CNBP: variants seen among roughly 807,000 people sequenced by gnomAD.
The protein encoded by CNBP is cellular nucleic acid-binding protein.
Under a neutral mutation model 21.2 loss-of-function variants are expected in CNBP, and 6 were observed. That is an observed-to-expected ratio of 0.28 (90% CI 0.16 to 0.56). CNBP has a LOEUF of 0.56. Ranked by LOEUF, CNBP falls within the 20% of genes least tolerant of loss-of-function variation. The probability of loss-of-function intolerance (pLI) is 0.93; values close to 1 mark genes in which losing one functional copy is unlikely to be tolerated. For missense variants in CNBP, 112 were observed against 233.1 expected (o/e 0.48, Z 3.38); for synonymous variants, 61 against 74.9 (o/e 0.81, Z 0.96).
chr3:129,171,696 G>T lies in CNBP; in HGVS notation c.62C>A (p.Thr21Asn). Residue 21 changes from threonine (T) to asparagine (N), a missense_variant, in exon 2 of 5, where the codon ACT becomes AAT. By Grantham distance (65) the Thr-to-Asn change is moderately conservative. Transcript: ENST00000422453. ...RSGHWARECP[T>N]GGGRGRGMRS... ...CATTCCACGACCACGGCCTCCACCA[G>T]TAGGACATTCCCGGGCCCAGTGGCC... The T allele has an allele frequency of 6.2e-7, 1 of 1,614,132 alleles. No homozygotes were observed. The highest frequency in any genetic ancestry group is 1.1e-5 in the South Asian group (1 of 91,092).
intron 1 of CNBP, among the ~76,000 whole-genome samples, chr3:129,183,055 G>C (rs1017784726): frequency 6.6e-6 from 1 of 151,970 alleles, no homozygotes; most frequent in Non-Finnish European, 1.5e-5. Flanking sequence ...GGGTTCACGC[G>C]ATTCTCCTGT....
In CNBP at chr3:129,171,651, C is replaced by T. The variant is rs1937571004; in HGVS notation, c.107G>A (p.Gly36Asp). 6.2e-7 allele frequency: 1 copy of T among 1,614,094 alleles called. No homozygotes were observed. Among genetic ancestry groups the T allele is most frequent in the Non-Finnish European group, 8.5e-7 (1 of 1,180,048 alleles). The change falls in exon 2 of 5, where the codon GGT (glycine) becomes GAT (aspartate). Residue 36 changes from glycine (G) to aspartate (D), a missense_variant. Coordinates refer to ENST00000422453, the MANE Select transcript of CNBP (RefSeq NM_003418.5). ...GRGMRSRGRG[G>D]FTSDRGFQFV... ...CAAAATACCTCTATCCGAGGTAAAA[C>T]CACCTCTGCCACGGCTTCTCATTCC...
intron 4 of CNBP, 113 bp downstream of exon 4, chr3:129,170,966 C>A (rs1937557222): frequency 2.7e-6 from 3 of 1,102,126 alleles, no homozygotes; most frequent in Non-Finnish European, 3.9e-6. Context: ...TTGGTCTTAT[C>A]TGGTCACAGC....
chr3:129,182,887 T>TC, intron 1 of CNBP, among the ~76,000 whole-genome samples: 1 of 152,268 alleles, frequency 6.6e-6, no homozygotes, highest in South Asian at 2.1e-4. Flanking sequence ...TCCCAAGTCT[T>TC]CCAGCAGTCT....
At chr3:129,171,587 A>G in intron 2 of CNBP, 47 bp downstream of exon 2, 1 of 1,614,068 alleles carries the variant, frequency 6.2e-7, no homozygotes, top group South Asian at 1.1e-5. Context: ...CAGTCTTGAT[A>G]CTAACAAATA....
In CNBP at chr3:129,168,632, C is replaced by G. The variant is rs566744187; in HGVS notation, c.*1821G>C. ...AAAAAAAAAAAAAAAAAAAAAAAGG[C>G]CCAGGAAAAACACAAAAATAGCAAT... is the stretch of plus-strand genomic sequence containing the variant. On this transcript the variant is annotated 3_prime_UTR_variant, in exon 5 of 5. Transcript: ENST00000422453. Among the ~76,000 whole-genome samples the G allele has an allele frequency of 9.0e-4, 127 of 141,030 alleles. 1 individual carries two copies. The Middle Eastern group carries it at 0.023, about 25-fold the overall frequency. The allele number at this position is 141,030 out of a possible 152,430, so 92.5% of individuals were successfully genotyped here.
intron 1 of CNBP, among the ~76,000 whole-genome samples, chr3:129,172,922 T>C (rs1260440002): frequency 6.6e-6 from 1 of 152,134 alleles, no homozygotes; most frequent in East Asian, 1.9e-4. Flanking sequence ...TGAAGGAAAA[T>C]ACTCTCTTAA....
intron 1 of CNBP, among the ~76,000 whole-genome samples, chr3:129,177,816 G>T (rs1198083604): frequency 6.6e-6 from 1 of 152,136 alleles, no homozygotes; most frequent in Non-Finnish European, 1.5e-5. Flanking sequence ...TTAAAGGGTG[G>T]TAGGAGCACA....
Position 129,168,919 on chromosome 3 carries a change from AC to A in CNBP, c.*1533del, listed in dbSNP as rs1163259505. Among the ~76,000 whole-genome samples, 2 of 143,232 alleles carry A rather than the reference AC, an allele frequency of 1.4e-5. No individual in the cohort carries two copies. The highest frequency in any genetic ancestry group is 4.5e-4 in the South Asian group (2 of 4,446). The allele number at this position is 143,232 out of a possible 152,430, so 94.0% of individuals were successfully genotyped here. A position where few individuals can be genotyped will look rare whatever the true frequency, so the allele number is the denominator to read the frequency against. On this transcript the variant is annotated 3_prime_UTR_variant, in exon 5 of 5. Coordinates refer to ENST00000422453, the MANE Select transcript of CNBP (RefSeq NM_003418.5). ...AGACCATCCTGGCTAACACCGTGAA[AC>A]CCCGTCTTTACTAAAAATACAAAAA... is the stretch of plus-strand genomic sequence containing the variant.
intron 1 of CNBP, among the ~76,000 whole-genome samples, chr3:129,183,369 T>C (rs1247916068): frequency 1.3e-5 from 2 of 151,928 alleles, no homozygotes; most frequent in East Asian, 1.9e-4. Flanking sequence ...GCCGGGAGCC[T>C]TTCCCCACCA....
At position 129,171,673 on chromosome 3, in the gene CNBP, T is replaced by A; in HGVS notation, c.85A>T (p.Met29Leu). The A allele has an allele frequency of 6.2e-7, 1 of 1,614,184 alleles. No homozygotes were observed. Among genetic ancestry groups the A allele is most frequent in the Non-Finnish European group, 8.5e-7 (1 of 1,180,036 alleles). ...CPTGGGRGRG[M>L]RSRGRGGFTS... Reference sequence around the variant, plus strand: ...AAACCACCTCTGCCACGGCTTCTCATTCCACGACCACGGCCTCCACCAGTA... The same window carrying A: ...AAACCACCTCTGCCACGGCTTCTCAATCCACGACCACGGCCTCCACCAGTA... Residue 29 changes from methionine (M) to leucine (L), a missense_variant, in exon 2 of 5, where the codon ATG becomes TTG. Coordinates refer to ENST00000422453, the MANE Select transcript of CNBP (RefSeq NM_003418.5).
At chr3:129,171,876 C>A in intron 1 of CNBP, 105 bp from the exon 2 acceptor site, 1 of 1,258,840 alleles carries the variant, frequency 7.9e-7, no homozygotes, top group Non-Finnish European at 1.1e-6. Flanking sequence ...AAAAAGCTAG[C>A]TAATATATTG....
At position 129,169,809 on chromosome 3, in the gene CNBP, G is replaced by C; in HGVS notation, c.*644C>G. On this transcript the variant is annotated 3_prime_UTR_variant, in exon 5 of 5. Transcript: ENST00000422453. ...ACTCTGAGCATTGATGTTTACTCTG[G>C]GTTTTAGATTTAGTCTTTGAAAATA... 1 of 225,042 alleles carries C rather than the reference G, an allele frequency of 4.4e-6. No homozygotes were observed. Among genetic ancestry groups the C allele is most frequent in the Non-Finnish European group, 8.9e-6 (1 of 112,808 alleles). 13.9% of individuals were successfully genotyped at this position (225,042 alleles called of 1,614,324 possible). A position where few individuals can be genotyped will look rare whatever the true frequency, so the allele number is the denominator to read the frequency against.
chr3:129,174,478 C>T (rs1937757725), intron 1 of CNBP, among the ~76,000 whole-genome samples: 1 of 150,978 alleles, frequency 6.6e-6, no homozygotes, highest in Admixed American at 6.6e-5. Context: ...CCAGCCTCAC[C>T]AAGAAGGAGA....
chr3:129,170,663 T>C, intron 4 of CNBP, 93 bp from the exon 5 acceptor site: 1 of 947,866 alleles, frequency 1.1e-6, no homozygotes, highest in South Asian at 1.3e-5. Context: ...CGCCTGATCT[T>C]TGTTTTCATG....
At chr3:129,183,603 GA>G (rs1483515412) in intron 1 of CNBP, among the ~76,000 whole-genome samples, 172 bp downstream of exon 1, 4 of 152,274 alleles carry the variant, frequency 2.6e-5, no homozygotes, top group Non-Finnish European at 5.9e-5. Flanking sequence ...CGGTGCGCCA[GA>G]AACCCGGGTC....
At chr3:129,176,606 T>C (rs1191679147) in intron 1 of CNBP, among the ~76,000 whole-genome samples, 2 of 152,224 alleles carry the variant, frequency 1.3e-5, no homozygotes, top group Non-Finnish European at 2.9e-5. Context: ...ACCTAAATTA[T>C]TGCTATCAGT....
intron 1 of CNBP, among the ~76,000 whole-genome samples, chr3:129,182,659 C>T (rs1354357438): frequency 6.6e-6 from 1 of 152,162 alleles, no homozygotes; most frequent in Non-Finnish European, 1.5e-5. Context: ...GACTACCGCC[C>T]GCTGCTGTGG....
chr3:129,180,638 G>A (rs1171549890), intron 1 of CNBP, among the ~76,000 whole-genome samples: 3 of 152,222 alleles, frequency 2.0e-5, no homozygotes, highest in Non-Finnish European at 4.4e-5. Flanking sequence ...GCCAGAACAG[G>A]AGTTCTATTA....
Sources: allele counts gnomAD v4.1 joint callset (sites outside exome capture counted in the v4.1 genomes callset), GRCh38; gene constraint gnomAD v4.1.1; transcripts MANE v1.5; gene names NCBI Gene and HGNC (gene_info 2026-07-23, HGNC 2026-07-21).